Variants in DIPK2A observed in about 807,000 individuals in gnomAD.
DIPK2A encodes the protein Golgi Protein of 49 kDa.
Under a neutral mutation model 39.0 loss-of-function variants are expected in DIPK2A, and 27 were observed. The observed-to-expected ratio is 0.69, with a 90% CI of 0.51 to 0.96. DIPK2A has a LOEUF of 0.96. Among genes scored for constraint, DIPK2A ranks in the 40% least tolerant of loss-of-function variants. The pLI is 0.00. For synonymous variants in DIPK2A, 298 were observed against 240.8 expected (o/e 1.24, Z -2.20); for missense variants, 528 against 571.3 (o/e 0.92, Z 0.77).
At chr3:143,973,302 T>G (rs1276626252) in intron 1 of DIPK2A, 13 of 1,524,596 alleles carry the variant, frequency 8.5e-6, no homozygotes, top group Non-Finnish European at 1.1e-5. Context: ...CGAGTTTCCT[T>G]CCGCTCTCTA....
rs1163062002 is a variant in DIPK2A at position 143,977,356 on chromosome 3, G to C, written c.657+4367G>C. 2.0e-5 allele frequency among the ~76,000 whole-genome samples: 3 copies of C among 151,786 alleles called. No homozygotes were observed. The East Asian group carries it at 5.8e-4, about 29-fold the overall frequency. Reference sequence around the variant, plus strand: ...GTTGTTGTTGTTGTTGTTTTCTTTTGAACTTTAACGAGTGGGTTTAATTAA... The same window carrying C: ...GTTGTTGTTGTTGTTGTTTTCTTTTCAACTTTAACGAGTGGGTTTAATTAA... On this transcript the variant is annotated intron_variant, in intron 1 of 2. Transcript: ENST00000315691.
At chr3:143,980,969 G>C (rs181739589) in intron 1 of DIPK2A, among the ~76,000 whole-genome samples, 1 of 152,260 alleles carries the variant, frequency 6.6e-6, no homozygotes, top group East Asian at 1.9e-4. Context: ...CTTTTAAGTA[G>C]ACTCTATTTT....
At chr3:143,985,887 C>T (rs774168493) in intron 2 of DIPK2A, 41 bp downstream of exon 2, 3 of 1,490,450 alleles carry the variant, frequency 2.0e-6, no homozygotes, top group Non-Finnish European at 2.7e-6. Context: ...TCATTTTTTC[C>T]TATGTCAAAA....
In DIPK2A at chr3:143,972,087, G is replaced by T. The variant is rs936381292; in HGVS notation, c.-246G>T. ...GGAGGCGCCGCCGGAGTCGGAGGGC[G>T]GGGAGCTAGGAGGAGGGAGCTCGAG... On this transcript the variant is annotated 5_prime_UTR_variant, in exon 1 of 3. Transcript: ENST00000315691. 2.6e-6 allele frequency: 1 copy of T among 386,484 alleles called. No individual in the cohort carries two copies. Among genetic ancestry groups the T allele is most frequent in the Non-Finnish European group, 4.6e-6 (1 of 219,048 alleles). The allele number at this position is 386,484 out of a possible 1,614,324, so 23.9% of individuals were successfully genotyped here.
chr3:143,974,356 CAG>C (rs1193482271), intron 1 of DIPK2A, among the ~76,000 whole-genome samples: 1 of 152,116 alleles, frequency 6.6e-6, no homozygotes, highest in Non-Finnish European at 1.5e-5. Flanking sequence ...ATTTTAAAGT[CAG>C]AGTGTGTTTT....
At chr3:143,985,937 C>A in intron 2 of DIPK2A, 91 bp downstream of exon 2, 3 of 1,008,244 alleles carry the variant, frequency 3.0e-6, no homozygotes, top group Non-Finnish European at 4.3e-6. Context: ...TGAATTTCCT[C>A]CTTAGATGGC....
In DIPK2A at chr3:143,972,638, C is replaced by T; in HGVS notation, c.306C>T (p.Gly102=). 4 of 1,611,064 alleles carry T rather than the reference C, an allele frequency of 2.5e-6. No individual in the cohort carries two copies. Among genetic ancestry groups the T allele is most frequent in the Non-Finnish European group, 2.5e-6 (3 of 1,179,266 alleles). The change falls in exon 1 of 3, where the codon GGC becomes GGT. Residue 102 remains glycine (G), a synonymous_variant. Transcript: ENST00000315691. ...CGCAGTACGGCGAGCCCCGCGAGGGCGGCCGCCGCCGAGTGGTGCTCAAGC... is the reference window on the plus strand; with the variant it reads ...CGCAGTACGGCGAGCCCCGCGAGGGTGGCCGCCGCCGAGTGGTGCTCAAGC... ...YFAQYGEPRE[G]GRRRVVLKRL...
At chr3:143,988,403 G>T (rs2087935575) in intron 2 of DIPK2A, among the ~76,000 whole-genome samples, 1 of 152,012 alleles carries the variant, frequency 6.6e-6, no homozygotes. Context: ...CCCAGCCTGT[G>T]TATATATGTG....
intron 1 of DIPK2A, among the ~76,000 whole-genome samples, chr3:143,975,179 T>G (rs1274965845): frequency 6.6e-6 from 1 of 152,146 alleles, no homozygotes; most frequent in Non-Finnish European, 1.5e-5. Context: ...AAATTACATT[T>G]TTAATTTACA....
intron 1 of DIPK2A, among the ~76,000 whole-genome samples, chr3:143,975,662 AT>A (rs1240851365): frequency 8.6e-5 from 13 of 151,964 alleles, no homozygotes; most frequent in African/African-American, 2.7e-4. Context: ...AAAAACTCAG[AT>A]TTGGCTGTCT....
chr3:143,987,885 T>C (rs1395600610), intron 2 of DIPK2A, among the ~76,000 whole-genome samples: 1 of 152,246 alleles, frequency 6.6e-6, no homozygotes, highest in African/African-American at 2.4e-5. Flanking sequence ...GGCAAATTTG[T>C]GAAGTGATTG....
At chr3:143,988,420 G>A (rs908939274) in intron 2 of DIPK2A, among the ~76,000 whole-genome samples, 2 of 151,984 alleles carry the variant, frequency 1.3e-5, no homozygotes, top group African/African-American at 4.8e-5. Context: ...TGTGTTTTTC[G>A]AGTGCTTCAT....
chr3:143,977,417 C>T (rs1378294990), intron 1 of DIPK2A, among the ~76,000 whole-genome samples: 1 of 151,976 alleles, frequency 6.6e-6, no homozygotes, highest in African/African-American at 2.4e-5. Flanking sequence ...GGGATGCTCT[C>T]TTTCAAGCCT....
chr3:143,985,906 A>G, intron 2 of DIPK2A, 60 bp downstream of exon 2: 1 of 1,374,076 alleles, frequency 7.3e-7, no homozygotes, highest in Admixed American at 2.1e-5. Context: ...AATAATGTTT[A>G]TACTTGTATG....
chr3:143,987,173 T>C (rs1345758788), intron 2 of DIPK2A, among the ~76,000 whole-genome samples: 2 of 152,200 alleles, frequency 1.3e-5, no homozygotes, highest in Admixed American at 6.5e-5. Flanking sequence ...TCTGTGAATA[T>C]TGTAGCAGCG....
At position 143,985,810 on chromosome 3, in the gene DIPK2A, A is replaced by G. The variant is rs757815143; in HGVS notation, c.925A>G (p.Asn309Asp). 1 of 1,613,602 alleles carries G rather than the reference A, an allele frequency of 6.2e-7. No homozygotes were observed. Among genetic ancestry groups the G allele is most frequent in the South Asian group, 1.1e-5 (1 of 90,974 alleles). ...GAAGGTAATCATTGTGGATGCTGAA[A>G]ATGTTTTGGTTGCTGACAAAAGATT... Reference protein sequence around the residue: ...DGKVIIVDAENVLVADKRLIR... With the variant: ...DGKVIIVDAEDVLVADKRLIR... Residue 309 changes from asparagine to aspartate, a missense_variant, in exon 2 of 3, where the codon AAT becomes GAT. This residue lies in a region of DIPK2A where 219 missense variants were observed against 281.5 expected (regional missense o/e 0.78). Coordinates refer to ENST00000315691, the MANE Select transcript of DIPK2A (RefSeq NM_173552.5).
intron 2 of DIPK2A, among the ~76,000 whole-genome samples, chr3:143,989,199 G>A (rs1327967763): frequency 1.3e-5 from 2 of 152,160 alleles, no homozygotes; most frequent in African/African-American, 4.8e-5. Context: ...CCAGGGACAA[G>A]TGCTAATTTA....
At chr3:143,978,622 C>CTATATATATATCTATATCTA (rs2087769159) in intron 1 of DIPK2A, 6 of 121,648 alleles carry the variant, frequency 4.9e-5, no homozygotes, top group Non-Finnish European at 1.1e-4. Flanking sequence ...ATATCTATAT[C>CTATATATATATCTATATCTA]TATATATATA....
rs981724280 is a variant in DIPK2A, at chr3:143,972,568, G to A, written c.236G>A (p.Arg79His). Residue 79 changes from arginine to histidine, a missense_variant, in exon 1 of 3, where the codon CGC becomes CAC. By Grantham distance (29) the Arg-to-His change is conservative (BLOSUM62 0). Around this residue, in one of 2 missense-constraint regions of DIPK2A, gnomAD observed 309 missense variants for 289.8 expected, o/e 1.07. Coordinates refer to ENST00000315691, the MANE Select transcript of DIPK2A (RefSeq NM_173552.5). ...CAGGTGGTATTCGAGGCGTGGGGCC[G>A]CTTGCGCCTGCTGGACTTCCTCAAC... Reference protein sequence around the residue: ...NGQVVFEAWGRLRLLDFLNVK... With the variant: ...NGQVVFEAWGHLRLLDFLNVK... The A allele has an allele frequency of 2.5e-6, 4 of 1,612,118 alleles. No individual in the cohort carries two copies. The highest frequency in any genetic ancestry group is 2.7e-5 in the African/African-American group (2 of 74,870).
Sources: gnomAD v4.1 joint callset for allele counts (sites outside exome capture counted in the v4.1 genomes callset) on GRCh38, gnomAD v4.1.1 for gene constraint, gnomAD v4.1.1 regional missense constraint, MANE v1.5 for transcripts, NCBI Gene and HGNC (gene_info 2026-07-23, HGNC 2026-07-21) for gene names.